FBXL7: variants seen among roughly 807,000 people sequenced by gnomAD.
FBXL7 encodes F-box/LRR-repeat protein 7.
FBXL7 carries 12 observed loss-of-function variants against 38.3 expected under a neutral mutation model. The observed-to-expected ratio is 0.31, with a 90% CI of 0.20 to 0.51. FBXL7 has a LOEUF of 0.51. FBXL7 is among the 20% of genes least tolerant of loss of function. The probability of loss-of-function intolerance (pLI) is 0.98; values close to 1 mark genes in which losing one functional copy is unlikely to be tolerated. For synonymous variants in FBXL7, 297 were observed against 300.9 expected (o/e 0.99, Z 0.13); for missense variants, 567 against 676.4 (o/e 0.84, Z 1.79).
intron 2 of FBXL7, among the ~76,000 whole-genome samples, chr5:15,840,508 C>T (rs1738716188): frequency 6.6e-6 from 1 of 151,986 alleles, no homozygotes; most frequent in South Asian, 2.1e-4. Context: ...AGATTAACAC[C>T]ATTATGATAT....
intron 2 of FBXL7, among the ~76,000 whole-genome samples, chr5:15,774,480 A>G (rs2126714159): frequency 6.6e-6 from 1 of 152,228 alleles, no homozygotes; most frequent in Non-Finnish European, 1.5e-5. Context: ...CCTCCCTATG[A>G]GTTTCTGTTT....
intron 2 of FBXL7, among the ~76,000 whole-genome samples, chr5:15,919,908 A>G (rs1741694886): frequency 6.6e-6 from 1 of 152,176 alleles, no homozygotes; most frequent in Non-Finnish European, 1.5e-5. Context: ...AGATGTCAGA[A>G]CAGTTGTGTG....
At chr5:15,782,701 A>G (rs1202878271) in intron 2 of FBXL7, among the ~76,000 whole-genome samples, 1 of 152,102 alleles carries the variant, frequency 6.6e-6, no homozygotes, top group South Asian at 2.1e-4. Flanking sequence ...TGACAGAGAA[A>G]GATCTAAGGA....
In FBXL7 at chr5:15,936,910, C is replaced by T; in HGVS notation, c.1200C>T (p.Asn400=). ...TDHGVEYLAK[N]CTKLKSLDIG... ...ACGGTGTGGAGTACCTCGCCAAGAA[C>T]TGCACCAAACTCAAATCCCTGGATA... The change falls in exon 4 of 4, where the codon AAC becomes AAT. Residue 400 remains asparagine, a synonymous_variant. Transcript: ENST00000504595. The surrounding 1 kb of genome is among the most constrained non-coding windows in gnomAD (Gnocchi z 6.0). 1.9e-6 allele frequency: 3 copies of T among 1,614,076 alleles called. No homozygotes were observed. Among genetic ancestry groups the T allele is most frequent in the Non-Finnish European group, 2.5e-6 (3 of 1,179,904 alleles).
At chr5:15,598,321 A>G (rs1024851764) in intron 1 of FBXL7, among the ~76,000 whole-genome samples, 1 of 152,176 alleles carries the variant, frequency 6.6e-6, no homozygotes, top group African/African-American at 2.4e-5. Context: ...CAAAATTATT[A>G]CTTTATACTT....
chr5:15,543,647 A>C (rs924538382), intron 1 of FBXL7, among the ~76,000 whole-genome samples: 1 of 152,182 alleles, frequency 6.6e-6, no homozygotes, highest in South Asian at 2.1e-4. Context: ...CTGCTGGTTG[A>C]TGAATGGGAA....
intron 2 of FBXL7, among the ~76,000 whole-genome samples, chr5:15,625,964 C>T (rs74892066): frequency 0.088 from 13,399 of 151,994 alleles, 651 homozygotes; most frequent in South Asian, 0.13. Context: ...ACAACTATTG[C>T]GTGGGGGGCC....
At chr5:15,604,447 C>A (rs1013189956) in intron 1 of FBXL7, among the ~76,000 whole-genome samples, 1 of 151,356 alleles carries the variant, frequency 6.6e-6, no homozygotes, top group African/African-American at 2.4e-5. Context: ...TTCTACCCCC[C>A]GGGTTAAAGA....
intron 1 of FBXL7, among the ~76,000 whole-genome samples, chr5:15,567,443 C>T (rs1450628652): frequency 6.6e-6 from 1 of 152,054 alleles, no homozygotes. Context: ...CTTTATTCTT[C>T]TTCACAGTGA....
chr5:15,797,040 A>G (rs1737434154), intron 2 of FBXL7, among the ~76,000 whole-genome samples: 1 of 152,214 alleles, frequency 6.6e-6, no homozygotes, highest in African/African-American at 2.4e-5. Context: ...GCTGGCTTTA[A>G]AAAATACCAA....
intron 2 of FBXL7, among the ~76,000 whole-genome samples, chr5:15,882,190 T>C (rs1201522803): frequency 6.6e-6 from 1 of 152,162 alleles, no homozygotes; most frequent in African/African-American, 2.4e-5. Flanking sequence ...CAATGGGGAT[T>C]ACATTTTAAT....
rs547219107 is a variant in FBXL7 at position 15,885,787 on chromosome 5, C to T, written c.128-42103C>T. Among the ~76,000 whole-genome samples the T allele has an allele frequency of 5.9e-5, 9 of 152,184 alleles. 1 individual carries two copies. The South Asian group carries it at 1.7e-3, about 28-fold the overall frequency. On this transcript the variant is annotated intron_variant, in intron 2 of 3. Coordinates refer to ENST00000504595, the MANE Select transcript of FBXL7 (RefSeq NM_012304.5). ...GCAGTGGTGTGATCACGGCTCACCACAGCCTCAATTTCCCAGGTTTAAGGA... is the reference window on the plus strand; with the variant it reads ...GCAGTGGTGTGATCACGGCTCACCATAGCCTCAATTTCCCAGGTTTAAGGA...
intron 2 of FBXL7, among the ~76,000 whole-genome samples, chr5:15,881,334 C>T (rs141647985): frequency 2.8e-4 from 42 of 152,286 alleles, no homozygotes; most frequent in Middle Eastern, 3.4e-3. Context: ...GTACCATCCA[C>T]GTTGCTGCAG....
At chr5:15,514,659 T>C (rs1337341039) in intron 1 of FBXL7, among the ~76,000 whole-genome samples, 3 of 152,196 alleles carry the variant, frequency 2.0e-5, no homozygotes, top group Non-Finnish European at 4.4e-5. Flanking sequence ...TCCCATTTTT[T>C]CCTTACTTTG....
chr5:15,713,473 T>C (rs772545958), intron 2 of FBXL7, among the ~76,000 whole-genome samples: 5 of 152,196 alleles, frequency 3.3e-5, no homozygotes, highest in Non-Finnish European at 5.9e-5. Context: ...ATTACCTTTG[T>C]TGCTGTCTTC....
At chr5:15,825,639 A>T (rs988536156) in intron 2 of FBXL7, among the ~76,000 whole-genome samples, 4 of 152,172 alleles carry the variant, frequency 2.6e-5, no homozygotes, top group Non-Finnish European at 4.4e-5. Context: ...AAGCTATGGA[A>T]ATTTTATTTT....
At chr5:15,711,044 G>A (rs1425454210) in intron 2 of FBXL7, among the ~76,000 whole-genome samples, 3 of 152,164 alleles carry the variant, frequency 2.0e-5, no homozygotes, top group Non-Finnish European at 4.4e-5. Flanking sequence ...TAAAAAAACA[G>A]GAGTTTTCCT....
At chr5:15,798,091 G>T (rs1367829814) in intron 2 of FBXL7, among the ~76,000 whole-genome samples, 1 of 152,184 alleles carries the variant, frequency 6.6e-6, no homozygotes, top group Non-Finnish European at 1.5e-5. Context: ...ATCATATTAA[G>T]AGCATTGGTG....
At chr5:15,793,335 A>G (rs771143240) in intron 2 of FBXL7, among the ~76,000 whole-genome samples, 39 of 152,178 alleles carry the variant, frequency 2.6e-4, no homozygotes, top group Non-Finnish European at 5.3e-4. Flanking sequence ...ACTCCCTCGC[A>G]TCTCCCAGAT....
Sources: allele counts gnomAD v4.1 joint callset (sites outside exome capture counted in the v4.1 genomes callset), GRCh38; gene constraint gnomAD v4.1.1; non-coding constraint Gnocchi (gnomAD v3.1); transcripts MANE v1.5; gene names NCBI Gene and HGNC (gene_info 2026-07-23, HGNC 2026-07-21).